SYNGR1: variants seen among roughly 807,000 people sequenced by gnomAD.
The protein encoded by SYNGR1 is synaptogyrin-1.
SYNGR1 carries 14 observed loss-of-function variants against 26.1 expected under a neutral mutation model. That is an observed-to-expected ratio of 0.54 (90% confidence interval 0.35 to 0.84). SYNGR1 has a LOEUF of 0.84. Ranked by LOEUF, SYNGR1 falls within the 40% of genes least tolerant of loss-of-function variation. The pLI is 0.01. For synonymous variants in SYNGR1, 141 were observed against 150.1 expected (o/e 0.94, Z 0.44); for missense variants, 319 against 332.9 (o/e 0.96, Z 0.33).
In SYNGR1 at chr22:39,384,305, A is replaced by G; in HGVS notation, c.*2391A>G. On this transcript the variant is annotated 3_prime_UTR_variant, in exon 4 of 4. Coordinates refer to ENST00000328933, the MANE Select transcript of SYNGR1 (RefSeq NM_004711.5). ...GAGGGCAGGGTACCAGGTAAGCTTAACTCCATCTTGGGTGTTTGTGACAGG... is the reference window on the plus strand; with the variant it reads ...GAGGGCAGGGTACCAGGTAAGCTTAGCTCCATCTTGGGTGTTTGTGACAGG... 1 of 389,744 alleles carries G rather than the reference A, an allele frequency of 2.6e-6. No homozygotes were observed. Among genetic ancestry groups the G allele is most frequent in the Non-Finnish European group, 4.5e-6 (1 of 220,912 alleles). 24.1% of individuals were successfully genotyped at this position (389,744 alleles called of 1,614,324 possible). A position where few individuals can be genotyped will look rare whatever the true frequency, so the allele number is the denominator to read the frequency against.
chr22:39,378,315 G>A (rs1431947512), intron 3 of SYNGR1: 1 of 968,818 alleles, frequency 1.0e-6, no homozygotes, highest in Non-Finnish European at 1.2e-6. Context: ...TTGTGCCAAT[G>A]AAACAAAGGC....
intron 1 of SYNGR1, among the ~76,000 whole-genome samples, chr22:39,355,565 C>T (rs1924110470): frequency 6.6e-6 from 1 of 152,164 alleles, no homozygotes; most frequent in African/African-American, 2.4e-5. Context: ...CAGGGACAGC[C>T]CAGGGGCGGC....
rs111456038 is a variant in SYNGR1 at position 39,360,968 on chromosome 22, A to T, written c.99+10859A>T. ...TTCCAGGCATCTCCTTAGGGCCCCA[A>T]CTATGGATGGACGTGGCGGGAACTG... On this transcript the variant is annotated intron_variant, in intron 1 of 3. Coordinates refer to ENST00000328933, the MANE Select transcript of SYNGR1 (RefSeq NM_004711.5). Among the ~76,000 whole-genome samples, 334 of 152,312 alleles carry T rather than the reference A, an allele frequency of 2.2e-3. 2 individuals carry two copies. The highest frequency in any genetic ancestry group is 7.8e-3 in the African/African-American group (323 of 41,578).
At chr22:39,351,859 G>A (rs1186075405) in intron 1 of SYNGR1, among the ~76,000 whole-genome samples, 1 of 152,252 alleles carries the variant, frequency 6.6e-6, no homozygotes, top group Non-Finnish European at 1.5e-5. Context: ...CCCTGCTGTG[G>A]AATCAAATTT....
intron 1 of SYNGR1, among the ~76,000 whole-genome samples, chr22:39,371,692 T>C (rs1363118601): frequency 6.6e-6 from 1 of 152,104 alleles, no homozygotes; most frequent in Non-Finnish European, 1.5e-5. Flanking sequence ...CTCAGGAGGC[T>C]GAGGCTGGTC....
chr22:39,359,278 A>C (rs1924341512), intron 1 of SYNGR1, among the ~76,000 whole-genome samples: 1 of 150,926 alleles, frequency 6.6e-6, no homozygotes. Context: ...TGGGTCGCCC[A>C]CTCCCCTTCA....
Position 39,381,905 on chromosome 22 carries a change from G to T in SYNGR1, c.693G>T (p.Gln231His). ...FDTEPQGYQS[Q>H]GY ...CCGAGCCCCAGGGCTACCAGTCGCA[G>T]GGCTACTGAGCCACAGTGACCGCCT... is the stretch of plus-strand genomic sequence containing the variant. Residue 231 changes from glutamine to histidine, a missense_variant, in exon 4 of 4, where the codon CAG becomes CAT. Transcript: ENST00000328933. 1 of 1,610,688 alleles carries T rather than the reference G, an allele frequency of 6.2e-7. No individual in the cohort carries two copies. The highest frequency in any genetic ancestry group is 8.5e-7 in the Non-Finnish European group (1 of 1,178,960).
chr22:39,377,016 G>A (rs751264894), intron 3 of SYNGR1: 3 of 1,550,770 alleles, frequency 1.9e-6, no homozygotes, highest in South Asian at 1.2e-5. Context: ...CTTCTGCAGA[G>A]ATCTGGGGCC....
intron 1 of SYNGR1, among the ~76,000 whole-genome samples, chr22:39,362,356 G>T (rs890352806): frequency 1.3e-5 from 2 of 152,096 alleles, no homozygotes; most frequent in African/African-American, 4.8e-5. Context: ...GCGACAGCTT[G>T]CGGAGATTAC....
At chr22:39,375,858 T>C in intron 2 of SYNGR1, 194 bp from the exon 3 acceptor site, 1 of 750,384 alleles carries the variant, frequency 1.3e-6, no homozygotes, top group South Asian at 1.6e-5. Flanking sequence ...CTGGCTTCCC[T>C]CTTCTCGCCT....
In SYNGR1 at chr22:39,382,717, C is replaced by G. The variant is rs1179397461; in HGVS notation, c.*803C>G. Reference sequence around the variant, plus strand: ...GGCCTGTTCTGCCCCAGCTGTTCCTCCTCCCCTGGGGACAGCCCCACCTCC... The same window carrying G: ...GGCCTGTTCTGCCCCAGCTGTTCCTGCTCCCCTGGGGACAGCCCCACCTCC... On this transcript the variant is annotated 3_prime_UTR_variant, in exon 4 of 4. Transcript: ENST00000328933. 2.0e-5 allele frequency: 3 copies of G among 152,868 alleles called. No individual in the cohort carries two copies. Among genetic ancestry groups the G allele is most frequent in the Non-Finnish European group, 1.5e-5 (1 of 68,520 alleles). 9.5% of individuals were successfully genotyped at this position (152,868 alleles called of 1,614,324 possible).
intron 1 of SYNGR1, among the ~76,000 whole-genome samples, chr22:39,359,568 T>G (rs1194950196): frequency 6.8e-6 from 1 of 148,000 alleles, no homozygotes; most frequent in East Asian, 2.0e-4. Flanking sequence ...GAGGCGGAGC[T>G]TGCAGTAAGC....
At chr22:39,354,368 G>A (rs1924053118) in intron 1 of SYNGR1, among the ~76,000 whole-genome samples, 1 of 152,220 alleles carries the variant, frequency 6.6e-6, no homozygotes, top group African/African-American at 2.4e-5. Flanking sequence ...GCCTGGGCTT[G>A]TCAGAGACTT....
chr22:39,353,632 G>A lies in SYNGR1; in HGVS notation c.99+3523G>A, dbSNP rs150089395. Among the ~76,000 whole-genome samples, 133 of 152,318 alleles carry A rather than the reference G, an allele frequency of 8.7e-4. 1 individual carries two copies. The highest frequency in any genetic ancestry group is 3.1e-3 in the African/African-American group (129 of 41,576). On this transcript the variant is annotated intron_variant, in intron 1 of 3. Coordinates refer to ENST00000328933, the MANE Select transcript of SYNGR1 (RefSeq NM_004711.5). ...CCTCTGTGCCTCAGTCTTCCCACCC[G>A]AACTGGGCTGGGCTGGGTCAGAAGT...
chr22:39,350,321 C>T lies in SYNGR1; in HGVS notation c.99+212C>T, dbSNP rs1190538539. Among the ~76,000 whole-genome samples the T allele has an allele frequency of 6.6e-6, 1 of 151,986 alleles. No homozygotes were observed. Among genetic ancestry groups the T allele is most frequent in the Non-Finnish European group, 1.5e-5 (1 of 67,930 alleles). ...CGGGATCCCTGGTGCTCGCGGGAGA[C>T]GCCGCTCCGGCTCCCGGAGCCCTGG... is the stretch of plus-strand genomic sequence containing the variant. On this transcript the variant is annotated intron_variant, in intron 1 of 3. Transcript: ENST00000328933. This position sits in a 1 kb window ranked among gnomAD's most constrained non-coding sequence, Gnocchi z 4.3.
At chr22:39,376,030 G>GC (rs1357502003) in intron 2 of SYNGR1, 22 bp from the exon 3 acceptor site, 1 of 1,613,962 alleles carries the variant, frequency 6.2e-7, no homozygotes, top group Non-Finnish European at 8.5e-7. Context: ...TGCCTATTCT[G>GC]CCCGGTCCTG....
chr22:39,352,494 G>A (rs1246248963), intron 1 of SYNGR1, among the ~76,000 whole-genome samples: 1 of 152,274 alleles, frequency 6.6e-6, no homozygotes, highest in Middle Eastern at 3.4e-3. Context: ...AAAGTTTGGT[G>A]GGGGGTGGTA....
intron 1 of SYNGR1, among the ~76,000 whole-genome samples, chr22:39,362,512 T>A (rs1052386813): frequency 6.6e-6 from 1 of 151,632 alleles, no homozygotes; most frequent in Non-Finnish European, 1.5e-5. Flanking sequence ...CCAACACCCA[T>A]CATGTGTCCA....
intron 1 of SYNGR1, among the ~76,000 whole-genome samples, chr22:39,364,719 C>T (rs1001452384): frequency 2.6e-5 from 4 of 152,182 alleles, no homozygotes; most frequent in African/African-American, 9.7e-5. Context: ...ACTCTCAGCC[C>T]TCTGTGGTGG....
Sources: gnomAD v4.1 joint callset for allele counts (sites outside exome capture counted in the v4.1 genomes callset) on GRCh38, gnomAD v4.1.1 for gene constraint, Gnocchi (gnomAD v3.1) non-coding constraint, MANE v1.5 for transcripts, NCBI Gene and HGNC (gene_info 2026-07-23, HGNC 2026-07-21) for gene names.